The following PEX1 variants were observed in gnomAD, a reference collection of about 807,000 sequenced individuals.
PEX1 encodes peroxisomal biogenesis factor 1, also known as peroxisomal ATPase PEX1.
A neutral mutation model predicts 152.5 loss-of-function variants in PEX1; 97 were observed. That is an observed-to-expected ratio of 0.64 (90% CI 0.54 to 0.75). The LOEUF (loss-of-function observed/expected upper bound fraction) is 0.75. PEX1 is among the 30% of genes least tolerant of loss of function. The probability of loss-of-function intolerance (pLI) is 0.00; values close to 1 mark genes in which losing one functional copy is unlikely to be tolerated. For missense variants in PEX1, 1,357 were observed against 1,516.3 expected (o/e 0.89, Z 1.74); for synonymous variants, 485 against 531.6 (o/e 0.91, Z 1.21).
intron 5 of PEX1, among the ~76,000 whole-genome samples, chr7:92,515,067 C>CTATATATA (rs67750906): frequency 8.0e-6 from 1 of 125,162 alleles, no homozygotes; most frequent in Non-Finnish European, 1.7e-5. Flanking sequence ...AAAAAATTAT[C>CTATATATA]TATATATATA....
intron 19 of PEX1, chr7:92,494,065 A>C (rs1312299447): frequency 2.0e-6 from 1 of 494,592 alleles, no homozygotes; most frequent in Non-Finnish European, 3.7e-6. Flanking sequence ...TTTTTTCCCC[A>C]ATCAGCCAAC....
chr7:92,516,063 A>G (rs199993841), intron 5 of PEX1, among the ~76,000 whole-genome samples: 1,098 of 53,084 alleles, frequency 0.021, 9 homozygotes, highest in Middle Eastern at 0.049. Flanking sequence ...GAAAAAAGAA[A>G]AGAAAAGAAA....
intron 21 of PEX1, chr7:92,490,177 AC>A (rs1791215108): frequency 2.1e-6 from 1 of 479,580 alleles, no homozygotes; most frequent in Admixed American, 3.6e-5. Context: ...TAAATCCAAC[AC>A]ACTAATGCCC....
At position 92,513,980 on chromosome 7, in the gene PEX1, A is replaced by G; in HGVS notation, c.1240-13T>C. On this transcript the variant is annotated splice_polypyrimidine_tract_variant and intron_variant, in intron 5 of 23. Coordinates refer to ENST00000248633, the MANE Select transcript of PEX1 (RefSeq NM_000466.3). ...GGTCATCTGGAATCTGAAATTTAAA[A>G]ATAAACAAAAATATAAATATATTCA... 1 of 1,449,804 alleles carries G rather than the reference A, an allele frequency of 6.9e-7. No homozygotes were observed. Among genetic ancestry groups the G allele is most frequent in the Non-Finnish European group, 9.6e-7 (1 of 1,039,004 alleles). 89.8% of individuals were successfully genotyped at this position (1,449,804 alleles called of 1,614,324 possible). A position where few individuals can be genotyped will look rare whatever the true frequency, so the allele number is the denominator to read the frequency against.
chr7:92,514,699 T>C (rs956178812), intron 5 of PEX1, among the ~76,000 whole-genome samples: 12 of 152,104 alleles, frequency 7.9e-5, no homozygotes, highest in African/African-American at 2.9e-4. Flanking sequence ...AAACTTAGAT[T>C]GTGGTGATGG....
Position 92,487,485 on chromosome 7 carries a change from C to A in PEX1, c.3824G>T (p.Arg1275Leu). ...RRKNQSGTMFRPGQKVTLA is the reference protein window; with the variant it reads ...RRKNQSGTMFLPGQKVTLA ...TGCTAAAGTTACTTTCTGTCCAGGT[C>A]GAAACATTGTTCCACTTTGATTTTT... is the stretch of plus-strand genomic sequence containing the variant. The change falls in exon 24 of 24, where the codon CGA becomes CTA. Residue 1275 changes from arginine to leucine, a missense_variant. Arg to Leu is a moderately radical substitution (Grantham distance 102, BLOSUM62 -2). Transcript: ENST00000248633. 6.3e-7 allele frequency: 1 copy of A among 1,593,726 alleles called. No homozygotes were observed. Among genetic ancestry groups the A allele is most frequent in the Non-Finnish European group, 8.6e-7 (1 of 1,164,856 alleles).
chr7:92,517,598 A>G lies in PEX1; in HGVS notation c.917T>C (p.Phe306Ser), dbSNP rs1792854009. Residue 306 changes from phenylalanine to serine, a missense_variant, in exon 5 of 24, where the codon TTT (phenylalanine) becomes TCT (serine). Phe to Ser is a radical substitution (Grantham distance 155). Transcript: ENST00000248633. ...TACATGAATGGCACAGTGTTTATGA[A>G]AAACAGAGGTTGCTGACGCGTTATA... ...SIYNASATSVFHKHCAIHVFP... is the reference protein window; with the variant it reads ...SIYNASATSVSHKHCAIHVFP... 6.2e-7 allele frequency: 1 copy of G among 1,614,018 alleles called. No homozygotes were observed. Among genetic ancestry groups the G allele is most frequent in the South Asian group, 1.1e-5 (1 of 91,082 alleles).
At chr7:92,511,165 G>A (rs1048036232) in intron 7 of PEX1, 118 bp from the exon 8 acceptor site, 1 of 633,004 alleles carries the variant, frequency 1.6e-6, no homozygotes, top group Non-Finnish European at 2.8e-6. Flanking sequence ...CCCCCAACAG[G>A]GTCTCACTCT....
At chr7:92,519,911 C>A (rs1162310700) in intron 2 of PEX1, among the ~76,000 whole-genome samples, 1 of 151,878 alleles carries the variant, frequency 6.6e-6, no homozygotes. Context: ...GGTAACCAAC[C>A]CTTCCTCTCT....
At chr7:92,527,641 G>C (rs1460333800) in intron 1 of PEX1, among the ~76,000 whole-genome samples, 1 of 152,168 alleles carries the variant, frequency 6.6e-6, no homozygotes, top group Admixed American at 6.5e-5. Context: ...ACTCAAACTC[G>C]TGAGACCATG....
At chr7:92,490,875 G>A (rs970597411) in intron 21 of PEX1, among the ~76,000 whole-genome samples, 2 of 152,126 alleles carry the variant, frequency 1.3e-5, no homozygotes, top group African/African-American at 4.8e-5. Flanking sequence ...TGCAGCAAAA[G>A]TATCACAGAT....
chr7:92,496,491 T>C (rs1791659047), intron 17 of PEX1, among the ~76,000 whole-genome samples: 1 of 152,164 alleles, frequency 6.6e-6, no homozygotes, highest in South Asian at 2.1e-4. Flanking sequence ...CTTTGAGGAG[T>C]ATTTCTATTG....
intron 19 of PEX1, chr7:92,493,805 C>A (rs1791490499): frequency 1.1e-5 from 2 of 184,446 alleles, no homozygotes; most frequent in South Asian, 2.3e-4. Flanking sequence ...ATACTTTATA[C>A]CTTTGACTAT....
At chr7:92,499,178 G>C (rs950146271) in intron 16 of PEX1, among the ~76,000 whole-genome samples, 1 of 152,142 alleles carries the variant, frequency 6.6e-6, no homozygotes, top group Non-Finnish European at 1.5e-5. Context: ...AAAAGTTAGA[G>C]AATTACCCTA....
At position 92,489,725 on chromosome 7, in the gene PEX1, T is replaced by A; in HGVS notation, c.3625A>T (p.Ser1209Cys). 1 of 1,613,952 alleles carries A rather than the reference T, an allele frequency of 6.2e-7. No individual in the cohort carries two copies. The highest frequency in any genetic ancestry group is 8.5e-7 in the Non-Finnish European group (1 of 1,179,820). Reference protein sequence around the residue: ...DISIIKGRYRSQSGEDESMNQ... With the variant: ...DISIIKGRYRCQSGEDESMNQ... The stretch of plus-strand genomic sequence containing the variant: ...GGAAAAAGCCATACTCCACTTTGGC[T>A]CCGGTATCTGCCTTTGATAATACTG... The change falls in exon 22 of 24, where the codon AGC becomes TGC. Residue 1209 changes from serine (S) to cysteine (C), a missense_variant. Coordinates refer to ENST00000248633, the MANE Select transcript of PEX1 (RefSeq NM_000466.3).
At chr7:92,500,465 A>G (rs1278525685) in intron 15 of PEX1, among the ~76,000 whole-genome samples, 1 of 152,220 alleles carries the variant, frequency 6.6e-6, no homozygotes, top group Non-Finnish European at 1.5e-5. Flanking sequence ...GCCCAAAGTC[A>G]GCAGTTACGC....
chr7:92,518,094 A>G (rs201144190), intron 4 of PEX1, 47 bp downstream of exon 4: 268 of 1,607,776 alleles, frequency 1.7e-4, no homozygotes, highest in Non-Finnish European at 2.0e-4. Context: ...CTTTGGACTC[A>G]ATGCTATAGT....
intron 2 of PEX1, among the ~76,000 whole-genome samples, chr7:92,519,435 G>A (rs1228094953): frequency 1.3e-5 from 2 of 152,102 alleles, no homozygotes; most frequent in African/African-American, 4.8e-5. Context: ...CTTATTCTTA[G>A]CCAAGACTTG....
chr7:92,510,133 G>C lies in PEX1; in HGVS notation c.1588-722C>G, dbSNP rs555999900. ...CACTCCAGCCTGGGTGACAGAGTGA[G>C]ACTCCATCTCAAAAAAAAAAAAAAG... On this transcript the variant is annotated intron_variant, in intron 8 of 23. Transcript: ENST00000248633. 1.7e-3 allele frequency among the ~76,000 whole-genome samples: 218 copies of C among 126,506 alleles called. 1 individual carries two copies. Among genetic ancestry groups the C allele is most frequent in the South Asian group, 0.013 (41 of 3,156 alleles). The allele number at this position is 126,506 out of a possible 152,430, so 83.0% of individuals were successfully genotyped here. A position where few individuals can be genotyped will look rare whatever the true frequency, so the allele number is the denominator to read the frequency against.
Sources: gnomAD v4.1 joint callset for allele counts (sites outside exome capture counted in the v4.1 genomes callset) on GRCh38, gnomAD v4.1.1 for gene constraint, MANE v1.5 for transcripts, NCBI Gene and HGNC (gene_info 2026-07-23, HGNC 2026-07-21) for gene names.